The following TACC1 variants were observed in gnomAD, a reference collection of about 807,000 sequenced individuals.
TACC1 encodes the protein transforming acidic coiled-coil containing protein 1.
TACC1 carries 48 observed loss-of-function variants against 84.4 expected under a neutral mutation model. That is an observed-to-expected ratio of 0.57 (90% CI 0.45 to 0.72). The LOEUF is 0.72. Ranked by LOEUF, TACC1 falls within the 30% of genes least tolerant of loss-of-function variation. The probability of loss-of-function intolerance (pLI) is 0.00; values close to 1 mark genes in which losing one functional copy is unlikely to be tolerated. For synonymous variants in TACC1, 372 were observed against 376.3 expected (o/e 0.99, Z 0.13); for missense variants, 920 against 973.0 (o/e 0.95, Z 0.72).
rs536370557 is a variant in TACC1 at position 38,743,368 on chromosome 8, C to T, written c.-574+917C>T. On this transcript the variant is annotated intron_variant, in intron 2 of 14. Transcript: ENST00000518415. ...GGAGGAAGAGAAAGGAAACATTCTG[C>T]CAGAAGAAATACAAGAGGAAATGTA... is the stretch of plus-strand genomic sequence containing the variant. Among the ~76,000 whole-genome samples, 12 of 152,192 alleles carry T rather than the reference C, an allele frequency of 7.9e-5. No homozygotes were observed. The East Asian group carries it at 2.3e-3, about 29-fold the overall frequency.
In TACC1 at chr8:38,820,417, C is replaced by G. The variant is rs749575914; in HGVS notation, c.1173C>G (p.Ser391Arg). The change falls in exon 3 of 13, where the codon AGC (serine) becomes AGG (arginine). Residue 391 changes from serine (S) to arginine (R), a missense_variant. By Grantham distance (110) the Ser-to-Arg change is moderately radical (BLOSUM62 -1). Transcript: ENST00000317827. ...SSKPDPSQWESPSFNPFGSHS... is the reference protein window; with the variant it reads ...SSKPDPSQWERPSFNPFGSHS... ...AGCCAGATCCTAGTCAGTGGGAAAGCCCCAGCTTCAACCCCTTTGGGAGCC... is the reference window on the plus strand; with the variant it reads ...AGCCAGATCCTAGTCAGTGGGAAAGGCCCAGCTTCAACCCCTTTGGGAGCC... The G allele has an allele frequency of 6.2e-7, 1 of 1,614,100 alleles. No homozygotes were observed. Among genetic ancestry groups the G allele is most frequent in the Non-Finnish European group, 8.5e-7 (1 of 1,179,976 alleles).
chr8:38,842,372 C>T lies in TACC1; in HGVS notation c.2046C>T (p.Asn682=), dbSNP rs35599920. The T allele has an allele frequency of 1.8e-4, 291 of 1,614,216 alleles. No individual in the cohort carries two copies. The African/African-American group carries it at 3.3e-3, about 18-fold the overall frequency. ...MEKEQALADL[N]SVERSLSDLF... is the part of the protein sequence containing the mutation. ...AGGAACAGGCCCTGGCTGACCTTAA[C>T]TCTGTGGAAAGGTCCCTTTCTGATC... Residue 682 remains asparagine (N), a synonymous_variant, in exon 10 of 13, where the codon AAC becomes AAT. Transcript: ENST00000317827.
rs1352246197 is a variant in TACC1, at chr8:38,765,367, T to TAA, written c.26+19874_26+19875insAA. On this transcript the variant is annotated intron_variant, in intron 3 of 14. Coordinates refer to the TACC1 transcript ENST00000518415. ...GCTAATTATCTTATGGAAAATAACC[T>TAA]TTTTCTTGCCTTTTTCTCCCAAGAA... is the stretch of plus-strand genomic sequence containing the variant. Among the ~76,000 whole-genome samples the TAA allele has an allele frequency of 4.1e-4, 62 of 152,256 alleles. No homozygotes were observed. In the East Asian group the frequency reaches 9.8e-3, roughly 24 times the overall value.
intron 3 of TACC1, among the ~76,000 whole-genome samples, chr8:38,776,407 A>G (rs16887755): frequency 0.024 from 3,692 of 152,302 alleles, 137 homozygotes; most frequent in African/African-American, 0.077. Flanking sequence ...AAAAGACATC[A>G]TTGAGATACA....
At chr8:38,837,936 C>T (rs993768825) in intron 7 of TACC1, among the ~76,000 whole-genome samples, 1 of 152,238 alleles carries the variant, frequency 6.6e-6, no homozygotes, top group African/African-American at 2.4e-5. Context: ...GTGACGGATG[C>T]TATAGCTAGA....
chr8:38,825,508 C>T (rs540174854), intron 4 of TACC1, 140 bp downstream of exon 4: 22 of 776,362 alleles, frequency 2.8e-5, no homozygotes, highest in Middle Eastern at 4.9e-4. Context: ...TTTCCAGATC[C>T]TTACTGTCCC....
At chr8:38,757,958 G>A (rs561666078) in intron 3 of TACC1, among the ~76,000 whole-genome samples, 46 of 152,274 alleles carry the variant, frequency 3.0e-4, no homozygotes, top group Middle Eastern at 6.8e-3. Context: ...TTCTGGGACA[G>A]CAACAATTGG....
At chr8:38,792,497 G>A (rs1049643649) in intron 2 of TACC1, among the ~76,000 whole-genome samples, 5 of 151,724 alleles carry the variant, frequency 3.3e-5, no homozygotes, top group African/African-American at 1.2e-4. Context: ...ATAGAGTCTC[G>A]CTCTGTTGCC....
chr8:38,838,987 C>G (rs1830726977), intron 8 of TACC1, among the ~76,000 whole-genome samples: 1 of 152,004 alleles, frequency 6.6e-6, no homozygotes, highest in Admixed American at 6.5e-5. Context: ...GCCTCAACCT[C>G]CTGGGATCAA....
At chr8:38,828,236 C>A (rs975549125) in intron 5 of TACC1, among the ~76,000 whole-genome samples, 1 of 151,968 alleles carries the variant, frequency 6.6e-6, no homozygotes, top group Non-Finnish European at 1.5e-5. Flanking sequence ...AAGGTGTTAC[C>A]CTTTTCTCAC....
intron 10 of TACC1, 56 bp from the exon 11 acceptor site, chr8:38,843,233 G>A (rs1037649911): frequency 1.7e-6 from 2 of 1,193,856 alleles, no homozygotes; most frequent in Non-Finnish European, 1.2e-6. Flanking sequence ...TCTGATATGT[G>A]GTAGATTAGA....
chr8:38,776,824 C>T (rs185349136), intron 3 of TACC1, among the ~76,000 whole-genome samples: 51 of 152,172 alleles, frequency 3.4e-4, no homozygotes, highest in South Asian at 2.3e-3. Context: ...GAATGTAGAA[C>T]GAAATTTAAG....
intron 3 of TACC1, among the ~76,000 whole-genome samples, chr8:38,775,526 T>C (rs1040998609): frequency 1.3e-5 from 2 of 152,194 alleles, no homozygotes; most frequent in African/African-American, 2.4e-5. Flanking sequence ...GCTGACCTCC[T>C]GGATGTCTTC....
Position 38,852,108 on chromosome 8 carries a change from G to C in TACC1, c.*4085G>C, listed in dbSNP as rs968184062. Reference sequence around the variant, plus strand: ...AGGGAAGACCCATCCCCTAGTGCCAGAGCTTGCATCCTGGAGACTAAAGAT... The same window carrying C: ...AGGGAAGACCCATCCCCTAGTGCCACAGCTTGCATCCTGGAGACTAAAGAT... On this transcript the variant is annotated 3_prime_UTR_variant, in exon 13 of 13. Coordinates refer to ENST00000317827, the MANE Select transcript of TACC1 (RefSeq NM_006283.3). The C allele has an allele frequency of 1.5e-5, 5 of 331,050 alleles. No individual in the cohort carries two copies. The highest frequency in any genetic ancestry group is 1.1e-4 in the African/African-American group (5 of 46,456). The allele number at this position is 331,050 out of a possible 1,614,324, so 20.5% of individuals were successfully genotyped here.
chr8:38,817,431 C>T (rs1825676839), intron 2 of TACC1, among the ~76,000 whole-genome samples: 2 of 152,162 alleles, frequency 1.3e-5, no homozygotes, highest in South Asian at 4.1e-4. Flanking sequence ...GTGTGTATTG[C>T]AGTTGAGTTT....
At chr8:38,805,066 G>C (rs959288729) in intron 2 of TACC1, among the ~76,000 whole-genome samples, 13 of 152,146 alleles carry the variant, frequency 8.5e-5, no homozygotes, top group African/African-American at 2.7e-4. Context: ...GGCTCAAAGG[G>C]CATCAGTGCC....
intron 2 of TACC1, among the ~76,000 whole-genome samples, chr8:38,789,264 A>C (rs141305789): frequency 1.3e-5 from 2 of 152,170 alleles, no homozygotes; most frequent in South Asian, 2.1e-4. Flanking sequence ...ACTTCCATGC[A>C]GGGATGTGGT....
intron 2 of TACC1, among the ~76,000 whole-genome samples, chr8:38,810,002 A>G (rs1037853779): frequency 1.3e-5 from 2 of 152,242 alleles, no homozygotes; most frequent in African/African-American, 2.4e-5. Context: ...TTAAAAAACT[A>G]GGATCCGCTT....
intron 3 of TACC1, among the ~76,000 whole-genome samples, chr8:38,777,213 G>A (rs1273197486): frequency 3.3e-5 from 5 of 149,814 alleles, no homozygotes; most frequent in African/African-American, 4.9e-5. Flanking sequence ...CCGAGATCAC[G>A]CCACTGCACT....
Sources: allele counts gnomAD v4.1 joint callset (sites outside exome capture counted in the v4.1 genomes callset), GRCh38; gene constraint gnomAD v4.1.1; transcripts MANE v1.5; gene names NCBI Gene and HGNC (gene_info 2026-07-23, HGNC 2026-07-21).